NAV2: variants seen among roughly 807,000 people sequenced by gnomAD.
NAV2 encodes neuron navigator 2.
Under a neutral mutation model 223.2 loss-of-function variants are expected in NAV2, and 54 were observed. That is an observed-to-expected ratio of 0.24 (90% confidence interval 0.19 to 0.30). The LOEUF (loss-of-function observed/expected upper bound fraction) is 0.30. Among genes scored for constraint, NAV2 ranks in the 10% least tolerant of loss-of-function variants. The pLI is 1.00. For synonymous variants in NAV2, 1,279 were observed against 1,239.3 expected (o/e 1.03, Z -0.67); for missense variants, 2,806 against 3,147.5 (o/e 0.89, Z 2.60).
chr11:20,018,903 AGCATTCCAGAAAGGAG>A (rs958075422), intron 11 of NAV2, among the ~76,000 whole-genome samples: 1 of 152,074 alleles, frequency 6.6e-6, no homozygotes, highest in African/African-American at 2.4e-5. Flanking sequence ...CATGGGGAGG[AGCATTCCAGAAAGGAG>A]GCACAGTGCG....
intron 1 of NAV2, among the ~76,000 whole-genome samples, chr11:19,623,339 G>T (rs1224234208): frequency 2.0e-5 from 3 of 152,150 alleles, no homozygotes; most frequent in Non-Finnish European, 4.4e-5. Context: ...AAGTTCTGCT[G>T]GATAATATCC....
At chr11:19,709,920 T>C (rs1186010319), upstream of NAV2, among the ~76,000 whole-genome samples, 1 of 152,188 alleles carries the variant, frequency 6.6e-6, no homozygotes, top group African/African-American at 2.4e-5. Flanking sequence ...TGAAAGATCT[T>C]TCATCAAGAA....
intron 1 of NAV2, among the ~76,000 whole-genome samples, chr11:19,740,842 G>A (rs1156318903): frequency 6.6e-6 from 1 of 152,226 alleles, no homozygotes; most frequent in Non-Finnish European, 1.5e-5. Context: ...ATTTGCAGAT[G>A]AGGAAGCTGA....
intron 1 of NAV2, among the ~76,000 whole-genome samples, chr11:19,451,584 A>G (rs942930802): frequency 1.3e-5 from 2 of 152,222 alleles, no homozygotes; most frequent in African/African-American, 4.8e-5. Flanking sequence ...CGCAAATACT[A>G]AAATAATTAC....
rs1335439919 is a variant in NAV2, at chr11:20,048,791, G to C, written c.3966G>C (p.Ser1322=). The change falls in exon 15 of 38, where the codon TCG becomes TCC. Residue 1322 remains serine, a synonymous_variant. Transcript: ENST00000349880. ...PIATAENMKN[S]VVISNPHATM... is the part of the protein sequence containing the mutation. ...CCACAGCTGAAAACATGAAAAATTCGGTGGTCATCTCCAATCCTCATGCCA... is the reference window on the plus strand; with the variant it reads ...CCACAGCTGAAAACATGAAAAATTCCGTGGTCATCTCCAATCCTCATGCCA... 12 of 1,614,024 alleles carry C rather than the reference G, an allele frequency of 7.4e-6. No individual in the cohort carries two copies. The highest frequency in any genetic ancestry group is 1.0e-5 in the Non-Finnish European group (12 of 1,180,036).
rs748839443 is a variant in NAV2 at position 19,776,251 on chromosome 11, C to T, written c.268-56233C>T. 7.9e-5 allele frequency among the ~76,000 whole-genome samples: 12 copies of T among 152,188 alleles called. 1 individual carries two copies. Among genetic ancestry groups the T allele is most frequent in the South Asian group, 4.1e-4 (2 of 4,824 alleles). On this transcript the variant is annotated intron_variant, in intron 1 of 37. Transcript: ENST00000349880. ...GGATTCTTGAGCCTTTTCAGGATAC[C>T]GAAAGTTGCTGGGGACCCCTGGAGG...
chr11:19,509,869 A>T (rs192863845), intron 1 of NAV2, among the ~76,000 whole-genome samples: 91 of 151,948 alleles, frequency 6.0e-4, no homozygotes, highest in Admixed American at 1.8e-3. Flanking sequence ...TAGGAAAAAA[A>T]AAATGTTATG....
intron 11 of NAV2, among the ~76,000 whole-genome samples, chr11:20,002,760 G>A (rs1484279528): frequency 6.6e-6 from 1 of 152,122 alleles, no homozygotes; most frequent in African/African-American, 2.4e-5. Flanking sequence ...CGGTAGCTGT[G>A]TTCCACTGTG....
At chr11:19,442,004 C>T (rs1029793986) in intron 1 of NAV2, among the ~76,000 whole-genome samples, 9 of 152,238 alleles carry the variant, frequency 5.9e-5, no homozygotes, top group Non-Finnish European at 1.3e-4. Context: ...CTGCTCTGTT[C>T]CCCCATCATC....
intron 1 of NAV2, among the ~76,000 whole-genome samples, chr11:19,690,952 C>T (rs1464441820): frequency 6.6e-6 from 1 of 152,196 alleles, no homozygotes; most frequent in South Asian, 2.1e-4. Flanking sequence ...TCTGCCACAC[C>T]CCTCAAAGCT....
intron 1 of NAV2, among the ~76,000 whole-genome samples, chr11:19,463,073 G>A (rs1459580796): frequency 1.3e-5 from 2 of 152,228 alleles, no homozygotes; most frequent in African/African-American, 4.8e-5. Flanking sequence ...ATTACTATGT[G>A]ATTCTGAGCC....
At chr11:19,373,614 C>T (rs1848544046) in intron 1 of NAV2, among the ~76,000 whole-genome samples, 1 of 152,176 alleles carries the variant, frequency 6.6e-6, no homozygotes. Context: ...TAGCCTCTTA[C>T]CCTCCCTGTT....
intron 17 of NAV2, 67 bp from the exon 18 acceptor site, chr11:20,054,013 G>A (rs1276953547): frequency 1.3e-6 from 2 of 1,489,240 alleles, no homozygotes; most frequent in Non-Finnish European, 1.8e-6. Context: ...TTTACCATCA[G>A]CTCCACAGAG....
chr11:19,383,210 T>G (rs1487948843), intron 1 of NAV2, among the ~76,000 whole-genome samples: 2 of 152,142 alleles, frequency 1.3e-5, no homozygotes, highest in African/African-American at 4.8e-5. Flanking sequence ...TACAGTTAAC[T>G]GTGGCCATGT....
intron 1 of NAV2, among the ~76,000 whole-genome samples, chr11:19,355,955 G>A (rs79699287): frequency 0.016 from 2,428 of 152,300 alleles, 67 homozygotes; most frequent in African/African-American, 0.055. Context: ...CATGTTAGGT[G>A]AGGATGAGGC....
At chr11:19,928,378 A>C (rs1242906651) in intron 6 of NAV2, among the ~76,000 whole-genome samples, 1 of 152,230 alleles carries the variant, frequency 6.6e-6, no homozygotes, top group Non-Finnish European at 1.5e-5. Flanking sequence ...GTGCCATCCA[A>C]CACAATCTCA....
intron 1 of NAV2, among the ~76,000 whole-genome samples, chr11:19,434,849 CT>C (rs57000125): frequency 0.061 from 7,933 of 129,136 alleles, 395 homozygotes; most frequent in African/African-American, 0.21. Context: ...AAGGTTGTGG[CT>C]TTTTTTTTTT....
intron 1 of NAV2, among the ~76,000 whole-genome samples, chr11:19,816,636 A>G (rs2059106179): frequency 6.6e-6 from 1 of 152,226 alleles, no homozygotes; most frequent in Non-Finnish European, 1.5e-5. Context: ...ACTTGGATAC[A>G]TTAGCAGAAA....
chr11:19,518,853 G>A (rs1590390342), intron 1 of NAV2, among the ~76,000 whole-genome samples: 4 of 152,248 alleles, frequency 2.6e-5, no homozygotes, highest in Middle Eastern at 3.4e-3. Flanking sequence ...AGGAGGCGGG[G>A]CCTTTGAGAG....
Sources: allele counts gnomAD v4.1 joint callset (sites outside exome capture counted in the v4.1 genomes callset), GRCh38; gene constraint gnomAD v4.1.1; transcripts MANE v1.5; gene names NCBI Gene and HGNC (gene_info 2026-07-23, HGNC 2026-07-21).